The following ESRRG variants were observed in gnomAD, a reference collection of about 807,000 sequenced individuals.
ESRRG encodes estrogen related receptor gamma, also known as estrogen-related receptor gamma.
ESRRG carries 13 observed loss-of-function variants against 44.0 expected under a neutral mutation model. That is an observed-to-expected ratio of 0.30 (90% CI 0.19 to 0.47). ESRRG has a LOEUF of 0.47. ESRRG is among the 20% of genes least tolerant of loss of function. ESRRG has a pLI of 1.00. For missense variants in ESRRG, 395 were observed against 580.6 expected (o/e 0.68, Z 3.29); for synonymous variants, 215 against 214.6 (o/e 1.00, Z -0.02).
intron 2 of ESRRG, among the ~76,000 whole-genome samples, chr1:216,865,804 T>G (rs1559915835): frequency 6.6e-6 from 1 of 152,188 alleles, no homozygotes; most frequent in Admixed American, 6.5e-5. Context: ...AGAACTAAAG[T>G]TTTCTTTGCA....
chr1:217,134,366 A>C (rs1173822852), intron 1 of ESRRG, among the ~76,000 whole-genome samples: 1 of 152,162 alleles, frequency 6.6e-6, no homozygotes, highest in Non-Finnish European at 1.5e-5. Flanking sequence ...ACATCTACAG[A>C]GGAAGGAGAA....
chr1:216,856,229 A>C (rs61815645), intron 2 of ESRRG, among the ~76,000 whole-genome samples: 3,678 of 152,206 alleles, frequency 0.024, 66 homozygotes, highest in Middle Eastern at 0.055. Flanking sequence ...AATATAAAGA[A>C]AAATGGATGA....
intron 5 of ESRRG, among the ~76,000 whole-genome samples, chr1:216,561,532 G>A (rs1399043930): frequency 6.6e-6 from 1 of 152,054 alleles, no homozygotes; most frequent in African/African-American, 2.4e-5. Flanking sequence ...AGGCAGAAAT[G>A]TGACTTTTAT....
At chr1:216,866,890 T>G (rs2096174318) in intron 2 of ESRRG, among the ~76,000 whole-genome samples, 2 of 152,222 alleles carry the variant, frequency 1.3e-5, no homozygotes. Flanking sequence ...TAAAGTAATC[T>G]CTCTTCTTTA....
At chr1:217,129,771 GA>G (rs2092939636) in intron 1 of ESRRG, among the ~76,000 whole-genome samples, 1 of 152,132 alleles carries the variant, frequency 6.6e-6, no homozygotes, top group Non-Finnish European at 1.5e-5. Flanking sequence ...CATAGAGACA[GA>G]AAGCAGATTA....
At position 216,505,590 on chromosome 1, in the gene ESRRG, A is replaced by G. The variant is rs2041058956; in HGVS notation, c.*1349T>C. On this transcript the variant is annotated 3_prime_UTR_variant, in exon 7 of 7. Coordinates refer to ENST00000408911, the MANE Select transcript of ESRRG (RefSeq NM_001438.4). ...AACCACCATGGCAGCTAGAAATCATATGGCAATTGTACCTCCCAAGTAGAG... is the reference window on the plus strand; with the variant it reads ...AACCACCATGGCAGCTAGAAATCATGTGGCAATTGTACCTCCCAAGTAGAG... 1 of 152,558 alleles carries G rather than the reference A, an allele frequency of 6.6e-6. No individual in the cohort carries two copies. The highest frequency in any genetic ancestry group is 1.5e-5 in the Non-Finnish European group (1 of 68,038). The allele number at this position is 152,558 out of a possible 1,614,324, so 9.5% of individuals were successfully genotyped here. A position where few individuals can be genotyped will look rare whatever the true frequency, so the allele number is the denominator to read the frequency against.
At chr1:216,672,602 T>C (rs572598605) in intron 2 of ESRRG, among the ~76,000 whole-genome samples, 178 of 152,336 alleles carry the variant, frequency 1.2e-3, no homozygotes, top group African/African-American at 3.9e-3. Context: ...GTAAGATGGC[T>C]CATGCCTGTA....
At chr1:217,049,728 A>C (rs1163143864) in intron 1 of ESRRG, among the ~76,000 whole-genome samples, 1 of 152,162 alleles carries the variant, frequency 6.6e-6, no homozygotes, top group Non-Finnish European at 1.5e-5. Flanking sequence ...AGCTCCAAGC[A>C]CCACAGGCTG....
chr1:216,887,599 C>G (rs1236960466), intron 2 of ESRRG, among the ~76,000 whole-genome samples: 1 of 152,044 alleles, frequency 6.6e-6, no homozygotes, highest in Non-Finnish European at 1.5e-5. Flanking sequence ...TACTATGGTT[C>G]TGTTTATGGA....
chr1:216,779,479 AATATAAATATATATTTAT>A (rs1559607402), intron 2 of ESRRG, among the ~76,000 whole-genome samples: 3 of 10,996 alleles, frequency 2.7e-4, no homozygotes, highest in African/African-American at 1.5e-3. Flanking sequence ...TATATTTATA[AATATAAATATATATTTAT>A]ATATAAATAT....
intron 1 of ESRRG, among the ~76,000 whole-genome samples, chr1:217,096,814 A>T (rs556065427): frequency 2.0e-5 from 3 of 152,194 alleles, no homozygotes; most frequent in Non-Finnish European, 4.4e-5. Flanking sequence ...TGTTTTAGTT[A>T]TTTTTTTATT....
chr1:216,810,122 G>T (rs1190658433), intron 2 of ESRRG, among the ~76,000 whole-genome samples: 1 of 152,042 alleles, frequency 6.6e-6, no homozygotes, highest in Admixed American at 6.6e-5. Flanking sequence ...TGGTGGTGGC[G>T]AAAACAGAGA....
chr1:216,582,411 C>T (rs6701062), intron 3 of ESRRG, among the ~76,000 whole-genome samples: 74,485 of 151,982 alleles, frequency 0.49, 19,846 homozygotes, highest in African/African-American at 0.71. Context: ...TGTCTTTTTG[C>T]CAAGTGAAAT....
intron 1 of ESRRG, among the ~76,000 whole-genome samples, chr1:217,058,456 G>A (rs1351520420): frequency 1.3e-5 from 2 of 152,082 alleles, no homozygotes; most frequent in Non-Finnish European, 2.9e-5. Context: ...GAGAACATCA[G>A]CATAAGGACT....
chr1:216,928,471 G>A (rs985008193), intron 2 of ESRRG, among the ~76,000 whole-genome samples: 5 of 152,028 alleles, frequency 3.3e-5, no homozygotes, highest in African/African-American at 7.2e-5. Flanking sequence ...CCTTCTTCAC[G>A]TCAAGACTGC....
At chr1:217,107,489 T>C (rs1255678258) in intron 1 of ESRRG, among the ~76,000 whole-genome samples, 1 of 152,202 alleles carries the variant, frequency 6.6e-6, no homozygotes, top group Non-Finnish European at 1.5e-5. Flanking sequence ...TTGCACTTTT[T>C]CCCCCCTGGG....
At chr1:216,970,282 T>C (rs2071371993) in intron 1 of ESRRG, among the ~76,000 whole-genome samples, 1 of 152,222 alleles carries the variant, frequency 6.6e-6, no homozygotes, top group Non-Finnish European at 1.5e-5. Context: ...ATAAACCAAT[T>C]TGAATTAGTG....
chr1:216,596,952 A>G (rs2058528713), intron 3 of ESRRG, among the ~76,000 whole-genome samples: 1 of 152,108 alleles, frequency 6.6e-6, no homozygotes, highest in African/African-American at 2.4e-5. Context: ...CCCTTTGGAG[A>G]TCTACCATGT....
intron 1 of ESRRG, among the ~76,000 whole-genome samples, chr1:216,976,825 A>C (rs2073019583): frequency 6.6e-6 from 1 of 152,186 alleles, no homozygotes. Flanking sequence ...ATAAAGAAGG[A>C]AAAACAAAGA....
Sources: gnomAD v4.1 joint callset for allele counts (sites outside exome capture counted in the v4.1 genomes callset) on GRCh38, gnomAD v4.1.1 for gene constraint, MANE v1.5 for transcripts, NCBI Gene and HGNC (gene_info 2026-07-23, HGNC 2026-07-21) for gene names.